Variants in HIVEP3 observed in about 807,000 individuals in gnomAD.
The protein encoded by HIVEP3 is transcription factor HIVEP3.
In HIVEP3, 49 loss-of-function variants were observed where a neutral mutation model predicts 152.8. That is an observed-to-expected ratio of 0.32 (90% confidence interval 0.26 to 0.41). The LOEUF (loss-of-function observed/expected upper bound fraction) is 0.41. Ranked by LOEUF, HIVEP3 falls within the 10% of genes least tolerant of loss-of-function variation. The probability of loss-of-function intolerance (pLI) is 1.00; values close to 1 mark genes in which losing one functional copy is unlikely to be tolerated. For missense variants in HIVEP3, 2,790 were observed against 3,103.3 expected (o/e 0.90, Z 2.40); for synonymous variants, 1,269 against 1,289.0 (o/e 0.98, Z 0.33).
intron 1 of HIVEP3, among the ~76,000 whole-genome samples, chr1:41,713,626 T>A (rs1039853221): frequency 6.6e-6 from 1 of 152,246 alleles, no homozygotes; most frequent in African/African-American, 2.4e-5. Context: ...GACAAGAGTC[T>A]ATTAAATTTG....
chr1:41,711,599 T>G (rs183711774), intron 1 of HIVEP3, among the ~76,000 whole-genome samples: 1 of 152,240 alleles, frequency 6.6e-6, no homozygotes, highest in African/African-American at 2.4e-5. Context: ...CGATCCTGCA[T>G]AGCCTTTGTG....
chr1:41,958,059 GAA>G (rs1645149296), intron 1 of HIVEP3, among the ~76,000 whole-genome samples: 1 of 152,202 alleles, frequency 6.6e-6, no homozygotes, highest in African/African-American at 2.4e-5. Flanking sequence ...CTGAGACTTT[GAA>G]AAGTTATTCA....
chr1:41,689,392 G>A lies in HIVEP3; in HGVS notation c.-721+11524C>T, dbSNP rs941923134. Among the ~76,000 whole-genome samples, 5 of 152,348 alleles carry A rather than the reference G, an allele frequency of 3.3e-5. No individual in the cohort carries two copies. The South Asian group carries it at 1.0e-3, about 32-fold the overall frequency. ...CTCGCCAACTTAGTGTTTGGAGGTT[G>A]TGCCTCAAGTTACGGCTGCCCTGGT... On this transcript the variant is annotated intron_variant, in intron 2 of 8. Coordinates refer to ENST00000372583, the MANE Select transcript of HIVEP3 (RefSeq NM_024503.5).
rs1335211319 is a variant in HIVEP3 at position 41,513,617 on chromosome 1, CTCCTCA to C, written c.5598_5603del (p.Asp1866_Glu1867del). On this transcript the variant is annotated inframe_deletion, in exon 8 of 9. Transcript: ENST00000372583. Reference sequence around the variant, plus strand: ...GTCTGGACAGCTCATCCTGGCTCTCCTCCTCATCCTCATCCTCGTCTTCGTCCAGGT... The same window carrying C: ...GTCTGGACAGCTCATCCTGGCTCTCCTCCTCATCCTCGTCTTCGTCCAGGT... 5 of 1,613,840 alleles carry C rather than the reference CTCCTCA, an allele frequency of 3.1e-6. No individual in the cohort carries two copies. The highest frequency in any genetic ancestry group is 4.2e-6 in the Non-Finnish European group (5 of 1,180,006).
At chr1:41,702,085 T>C (rs1646371038) in intron 1 of HIVEP3, among the ~76,000 whole-genome samples, 1 of 152,026 alleles carries the variant, frequency 6.6e-6, no homozygotes, top group Admixed American at 6.6e-5. Context: ...AATCCTGACA[T>C]TGGAAAGTTG....
chr1:41,779,483 GC>G (rs1175842045), intron 1 of HIVEP3, among the ~76,000 whole-genome samples: 1 of 152,210 alleles, frequency 6.6e-6, no homozygotes, highest in Non-Finnish European at 1.5e-5. Flanking sequence ...GGTGACAGAA[GC>G]CCCTTCTTTT....
At chr1:41,760,622 A>G (rs544647964) in intron 1 of HIVEP3, among the ~76,000 whole-genome samples, 7 of 152,162 alleles carry the variant, frequency 4.6e-5, no homozygotes, top group Non-Finnish European at 1.0e-4. Flanking sequence ...GAAAGAAAAC[A>G]TTTCTCTTCA....
chr1:41,540,710 A>G (rs1157405015), intron 5 of HIVEP3, among the ~76,000 whole-genome samples: 2 of 152,184 alleles, frequency 1.3e-5, no homozygotes, highest in African/African-American at 4.8e-5. Flanking sequence ...GCTCAGCCAA[A>G]AGGCAGAACC....
At chr1:41,778,411 C>T (rs1648843721) in intron 1 of HIVEP3, among the ~76,000 whole-genome samples, 2 of 152,348 alleles carry the variant, frequency 1.3e-5, no homozygotes, top group South Asian at 4.1e-4. Context: ...TGGCATATCA[C>T]AGTCCTCTGG....
chr1:41,556,154 T>C (rs1215872203), intron 5 of HIVEP3, among the ~76,000 whole-genome samples: 1 of 152,208 alleles, frequency 6.6e-6, no homozygotes, highest in East Asian at 1.9e-4. Context: ...GGATGTGGAA[T>C]TGCTAGATCA....
intron 1 of HIVEP3, among the ~76,000 whole-genome samples, chr1:41,856,787 G>C (rs1264084597): frequency 2.6e-5 from 4 of 152,106 alleles, no homozygotes; most frequent in Non-Finnish European, 5.9e-5. Flanking sequence ...CTGAAGCTTG[G>C]GGGAGGCATA....
Position 41,581,028 on chromosome 1 carries a change from T to C in HIVEP3, c.3770A>G (p.His1257Arg). 1.9e-6 allele frequency: 3 copies of C among 1,557,576 alleles called. No individual in the cohort carries two copies. The highest frequency in any genetic ancestry group is 1.7e-4 in the Middle Eastern group (1 of 5,772). Reference sequence around the variant, plus strand: ...CAGGCTGGTTTTGATCTGGGGCAGATGGCTTTCCACATCACCAGGGAGCTG... The same window carrying C: ...CAGGCTGGTTTTGATCTGGGGCAGACGGCTTTCCACATCACCAGGGAGCTG... The part of the protein sequence containing the change: ...ALQLPGDVES[H>R]LPQIKTSLAP... Residue 1257 changes from histidine (H) to arginine (R), a missense_variant, in exon 4 of 9, where the codon CAT becomes CGT. This residue lies in a region of HIVEP3 where 1,078 missense variants were observed against 1,165.3 expected (regional missense o/e 0.93). Transcript: ENST00000372583. The surrounding 1 kb of genome is among the most constrained non-coding windows in gnomAD (Gnocchi z 4.5).
chr1:41,558,449 T>G (rs539850463), intron 5 of HIVEP3, among the ~76,000 whole-genome samples: 1 of 152,294 alleles, frequency 6.6e-6, no homozygotes, highest in East Asian at 1.9e-4. Flanking sequence ...AGGGGAGCCC[T>G]GGGGAGATGA....
chr1:41,649,771 T>C (rs1645518326), intron 2 of HIVEP3, among the ~76,000 whole-genome samples: 1 of 152,198 alleles, frequency 6.6e-6, no homozygotes, highest in African/African-American at 2.4e-5. Flanking sequence ...CCCTGTTCTC[T>C]TCAGCATCTT....
chr1:42,035,337 C>A (rs1487790552), intron 1 of HIVEP3, among the ~76,000 whole-genome samples: 1 of 152,224 alleles, frequency 6.6e-6, no homozygotes, highest in East Asian at 1.9e-4. Context: ...AGGGCCACCC[C>A]GGGCACAGGG....
At chr1:42,012,070 T>A (rs753429891) in intron 1 of HIVEP3, among the ~76,000 whole-genome samples, 1 of 152,198 alleles carries the variant, frequency 6.6e-6, no homozygotes, top group Admixed American at 6.5e-5. Context: ...TATCTTTCCA[T>A]GAACCCACTG....
chr1:41,841,469 G>C lies in HIVEP3; in HGVS notation c.-801+76944C>G, dbSNP rs891541592. 7.9e-5 allele frequency among the ~76,000 whole-genome samples: 12 copies of C among 152,206 alleles called. 1 individual carries two copies. The highest frequency in any genetic ancestry group is 7.8e-4 in the Admixed American group (12 of 15,290). ...GTGAATATCAGTGCAGCACTGATAA[G>C]CTGGACCCTGAACCAGTATCACCCT... On this transcript the variant is annotated intron_variant, in intron 1 of 8. Transcript: ENST00000372583.
intron 5 of HIVEP3, among the ~76,000 whole-genome samples, chr1:41,549,815 T>C (rs959097924): frequency 6.6e-6 from 1 of 152,220 alleles, no homozygotes; most frequent in African/African-American, 2.4e-5. Flanking sequence ...TTTCTCCAAT[T>C]TTGTAGGTTG....
intron 2 of HIVEP3, among the ~76,000 whole-genome samples, chr1:41,700,674 T>TC (rs1041328929): frequency 3.9e-5 from 6 of 152,178 alleles, no homozygotes; most frequent in African/African-American, 1.4e-4. Context: ...CAGAAGCATT[T>TC]CCCTTGGCTC....
Sources: allele counts gnomAD v4.1 joint callset (sites outside exome capture counted in the v4.1 genomes callset), GRCh38; gene constraint gnomAD v4.1.1; regional missense constraint gnomAD v4.1.1; non-coding constraint Gnocchi (gnomAD v3.1); transcripts MANE v1.5; gene names NCBI Gene and HGNC (gene_info 2026-07-23, HGNC 2026-07-21).